Variants in PCSK5 observed in about 807,000 individuals in gnomAD.
PCSK5 encodes proprotein convertase subtilisin/kexin type 5.
A neutral mutation model predicts 233.2 loss-of-function variants in PCSK5; 129 were observed. The ratio of observed to expected loss-of-function variants is 0.55; its 90% CI spans 0.48 to 0.64. PCSK5 has a LOEUF of 0.64. Ranked by LOEUF, PCSK5 falls within the 30% of genes least tolerant of loss-of-function variation. PCSK5 has a pLI of 0.00. For synonymous variants in PCSK5, 825 were observed against 879.2 expected (o/e 0.94, Z 1.09); for missense variants, 2,076 against 2,430.1 (o/e 0.85, Z 3.06).
intron 30 of PCSK5, among the ~76,000 whole-genome samples, chr9:76,314,998 T>C (rs897604230): frequency 2.0e-5 from 3 of 149,776 alleles, no homozygotes; most frequent in Non-Finnish European, 4.4e-5. Flanking sequence ...TTCACTCTTG[T>C]TGCCCAGGCA....
intron 15 of PCSK5, among the ~76,000 whole-genome samples, chr9:76,180,388 A>C (rs188899229): frequency 1.3e-5 from 2 of 152,236 alleles, no homozygotes; most frequent in East Asian, 3.9e-4. Context: ...TGCACAGGCC[A>C]AACTGATGCT....
At chr9:76,201,910 T>A (rs1345402752) in intron 20 of PCSK5, among the ~76,000 whole-genome samples, 1 of 152,188 alleles carries the variant, frequency 6.6e-6, no homozygotes, top group South Asian at 2.1e-4. Context: ...ATTAGCATGC[T>A]GAAAGTTAAT....
chr9:76,253,348 C>A (rs184658334), intron 24 of PCSK5, among the ~76,000 whole-genome samples: 1 of 151,910 alleles, frequency 6.6e-6, no homozygotes, highest in Admixed American at 6.6e-5. Flanking sequence ...GAAACAAGCT[C>A]CATTAAACAG....
At chr9:75,991,285 C>A (rs748714360) in intron 3 of PCSK5, among the ~76,000 whole-genome samples, 12 of 152,130 alleles carry the variant, frequency 7.9e-5, no homozygotes, top group Non-Finnish European at 1.6e-4. Flanking sequence ...CCTACCCTCC[C>A]ACCCCTGGCA....
intron 24 of PCSK5, among the ~76,000 whole-genome samples, chr9:76,245,544 G>T (rs1039590518): frequency 6.6e-6 from 1 of 152,116 alleles, no homozygotes; most frequent in African/African-American, 2.4e-5. Context: ...TGTACTATAG[G>T]GGGTCTTTAT....
intron 13 of PCSK5, among the ~76,000 whole-genome samples, chr9:76,172,457 G>A (rs1411099313): frequency 6.6e-6 from 1 of 152,102 alleles, no homozygotes; most frequent in Non-Finnish European, 1.5e-5. Flanking sequence ...TACATAATAA[G>A]TGAAATATAA....
At chr9:76,071,995 A>G in intron 7 of PCSK5, 97 bp downstream of exon 7, 1 of 1,212,934 alleles carries the variant, frequency 8.2e-7, no homozygotes, top group Non-Finnish European at 1.2e-6. Context: ...AGAGAACTGG[A>G]TGGAGCTCCT....
chr9:76,201,899 C>T (rs1356469620), intron 20 of PCSK5, among the ~76,000 whole-genome samples: 2 of 152,074 alleles, frequency 1.3e-5, no homozygotes, highest in African/African-American at 2.4e-5. Flanking sequence ...TTAGAAGAAA[C>T]ATTAGCATGC....
chr9:76,132,983 C>A (rs1463683528), intron 9 of PCSK5, among the ~76,000 whole-genome samples: 1 of 151,932 alleles, frequency 6.6e-6, no homozygotes, highest in African/African-American at 2.4e-5. Context: ...AATTAAGATA[C>A]CAAGTTCTCC....
Position 75,891,053 on chromosome 9 carries a change from C to CGCCCGGGGCTGCGAGCTTCGGCG in PCSK5, c.-112_-111insTCGGCGGCCCGGGGCTGCGAGCT. 1 of 741,270 alleles carries CGCCCGGGGCTGCGAGCTTCGGCG rather than the reference C, an allele frequency of 1.3e-6. No homozygotes were observed. Among genetic ancestry groups the CGCCCGGGGCTGCGAGCTTCGGCG allele is most frequent in the Non-Finnish European group, 1.9e-6 (1 of 513,902 alleles). The allele number at this position is 741,270 out of a possible 1,614,324, so 45.9% of individuals were successfully genotyped here. A position where few individuals can be genotyped will look rare whatever the true frequency, so the allele number is the denominator to read the frequency against. On this transcript the variant is annotated 5_prime_UTR_variant, in exon 1 of 38. Coordinates refer to ENST00000674117, the MANE Select transcript of PCSK5 (RefSeq NM_001372043.1). ...CCGGGGCTAGCCGCCTCCTGCCGAT[C>CGCCCGGGGCTGCGAGCTTCGGCG]GCCCGGGGCTGCGAGCTGCGGCGGC...
At chr9:76,353,574 C>T (rs972003480) in intron 36 of PCSK5, among the ~76,000 whole-genome samples, 3 of 152,162 alleles carry the variant, frequency 2.0e-5, no homozygotes, top group Admixed American at 1.3e-4. Flanking sequence ...GTCATCGCCA[C>T]GTGGGAGTGA....
At chr9:76,105,177 G>A (rs1384654127) in intron 8 of PCSK5, among the ~76,000 whole-genome samples, 1 of 152,176 alleles carries the variant, frequency 6.6e-6, no homozygotes, top group Non-Finnish European at 1.5e-5. Context: ...AGAAAATGTG[G>A]CATAATGGAA....
chr9:76,222,095 A>G lies in PCSK5; in HGVS notation c.2627-5408A>G, dbSNP rs75192890. Among the ~76,000 whole-genome samples, 7 of 152,164 alleles carry G rather than the reference A, an allele frequency of 4.6e-5. No homozygotes were observed. In the East Asian group the frequency reaches 1.4e-3, roughly 29 times the overall value. The stretch of plus-strand genomic sequence containing the variant: ...GCATCCTTGAGGAAAGGAAGAAGAC[A>G]GAGTTTTCCATCTGCCAGATGTCTC... On this transcript the variant is annotated intron_variant, in intron 20 of 37. Transcript: ENST00000674117.
At chr9:76,268,301 G>A (rs1030846790) in intron 24 of PCSK5, among the ~76,000 whole-genome samples, 5 of 152,068 alleles carry the variant, frequency 3.3e-5, no homozygotes, top group East Asian at 1.9e-4. Context: ...GCACATACAC[G>A]TGCTTGTCAG....
chr9:76,200,395 G>T (rs1013172194), intron 20 of PCSK5, among the ~76,000 whole-genome samples: 1 of 152,090 alleles, frequency 6.6e-6, no homozygotes, highest in Admixed American at 6.6e-5. Flanking sequence ...CCTCTGAGCA[G>T]TTCCTTCCAC....
At chr9:76,139,514 T>G (rs780699178) in intron 10 of PCSK5, among the ~76,000 whole-genome samples, 13 of 151,980 alleles carry the variant, frequency 8.6e-5, no homozygotes, top group Non-Finnish European at 1.8e-4. Context: ...ATCAGAAAAA[T>G]TAGTCCCTTG....
intron 8 of PCSK5, among the ~76,000 whole-genome samples, chr9:76,102,475 C>T (rs1831803483): frequency 6.6e-6 from 1 of 152,168 alleles, no homozygotes; most frequent in African/African-American, 2.4e-5. Flanking sequence ...AATTCAAAAT[C>T]TGTAGCATTC....
At chr9:76,249,562 A>G (rs1287234818) in intron 24 of PCSK5, among the ~76,000 whole-genome samples, 1 of 152,234 alleles carries the variant, frequency 6.6e-6, no homozygotes, top group African/African-American at 2.4e-5. Context: ...AGTAAACACA[A>G]GTGCCTTGAT....
intron 24 of PCSK5, among the ~76,000 whole-genome samples, chr9:76,269,251 C>T (rs1564146311): frequency 6.6e-6 from 1 of 152,220 alleles, no homozygotes. Flanking sequence ...TTCCAGTCCA[C>T]CACTTCTAGA....
Sources: gnomAD v4.1 joint callset for allele counts (sites outside exome capture counted in the v4.1 genomes callset) on GRCh38, gnomAD v4.1.1 for gene constraint, MANE v1.5 for transcripts, NCBI Gene and HGNC (gene_info 2026-07-23, HGNC 2026-07-21) for gene names.